COLQ: variants seen among roughly 807,000 people sequenced by gnomAD.
COLQ encodes acetylcholinesterase collagenic tail peptide.
COLQ carries 48 observed loss-of-function variants against 69.0 expected under a neutral mutation model. The observed-to-expected ratio is 0.70, with a 90% CI of 0.55 to 0.88. The LOEUF is 0.88. COLQ is among the 40% of genes least tolerant of loss of function. The pLI, the probability that COLQ is intolerant of heterozygous loss-of-function variation, is 0.00. For missense variants in COLQ, 618 were observed against 594.6 expected (o/e 1.04, Z -0.41); for synonymous variants, 217 against 211.2 (o/e 1.03, Z -0.24).
At chr3:15,497,638 T>C (rs1451885570) in intron 1 of COLQ, among the ~76,000 whole-genome samples, 1 of 152,224 alleles carries the variant, frequency 6.6e-6, no homozygotes, top group Non-Finnish European at 1.5e-5. Context: ...GGTGGACTAG[T>C]CAGCTTTTTA....
chr3:15,516,259 G>A (rs1326231434), intron 1 of COLQ, among the ~76,000 whole-genome samples: 2 of 152,196 alleles, frequency 1.3e-5, no homozygotes, highest in East Asian at 3.8e-4. Flanking sequence ...ACAAATAAAT[G>A]GTCCATAATC....
chr3:15,521,469 C>G (rs778924567), intron 1 of COLQ, 51 bp downstream of exon 1: 1 of 1,610,326 alleles, frequency 6.2e-7, no homozygotes, highest in Non-Finnish European at 8.5e-7. Context: ...CTTCCTTCCT[C>G]CCCCTGTCCC....
chr3:15,489,187 G>A (rs555608695), intron 2 of COLQ, among the ~76,000 whole-genome samples: 26 of 152,322 alleles, frequency 1.7e-4, no homozygotes, highest in Admixed American at 5.9e-4. Flanking sequence ...AAAAACAGAA[G>A]GGGAAATTCC....
chr3:15,480,746 G>A (rs2062468834), intron 3 of COLQ, among the ~76,000 whole-genome samples: 1 of 152,164 alleles, frequency 6.6e-6, no homozygotes, highest in South Asian at 2.1e-4. Context: ...AGATCCTTGA[G>A]GAATCACCAT....
At chr3:15,483,440 A>G (rs1353693973) in intron 3 of COLQ, among the ~76,000 whole-genome samples, 1 of 152,156 alleles carries the variant, frequency 6.6e-6, no homozygotes, top group East Asian at 1.9e-4. Flanking sequence ...TTCAAAGAAC[A>G]TTTTTATTTC....
At chr3:15,457,787 A>G (rs2062046710) in intron 13 of COLQ, among the ~76,000 whole-genome samples, 1 of 151,950 alleles carries the variant, frequency 6.6e-6, no homozygotes, top group Non-Finnish European at 1.5e-5. Context: ...TAATTTTTTA[A>G]ATATATTTTT....
intron 1 of COLQ, 118 bp downstream of exon 1, chr3:15,521,402 A>C: frequency 1.4e-6 from 2 of 1,389,704 alleles, no homozygotes; most frequent in Non-Finnish European, 2.0e-6. Context: ...TCTTCCTTCC[A>C]ACCTCCCTCC....
intron 1 of COLQ, among the ~76,000 whole-genome samples, chr3:15,515,416 T>C (rs1051033247): frequency 6.6e-6 from 1 of 152,000 alleles, no homozygotes; most frequent in South Asian, 2.1e-4. Flanking sequence ...GAAAGACAAC[T>C]GTAGTTGTGA....
At chr3:15,516,215 C>T (rs1442516502) in intron 1 of COLQ, among the ~76,000 whole-genome samples, 3 of 152,154 alleles carry the variant, frequency 2.0e-5, no homozygotes, top group South Asian at 2.1e-4. Flanking sequence ...AAGTGCATTA[C>T]GGAGCATTAA....
At chr3:15,498,548 T>G in intron 1 of COLQ, 1 of 1,551,438 alleles carries the variant, frequency 6.4e-7, no homozygotes, top group Non-Finnish European at 8.7e-7. Context: ...AGTCCTGAAA[T>G]GATGAGCAGA....
At chr3:15,452,403 T>C (rs1045160081) in intron 16 of COLQ, among the ~76,000 whole-genome samples, 2 of 152,172 alleles carry the variant, frequency 1.3e-5, no homozygotes, top group African/African-American at 4.8e-5. Flanking sequence ...ATAATGACTT[T>C]ACATTTGAAC....
chr3:15,478,845 C>T, intron 5 of COLQ, 132 bp downstream of exon 5: 1 of 1,070,962 alleles, frequency 9.3e-7, no homozygotes, highest in Non-Finnish European at 1.4e-6. Flanking sequence ...ATCGAGACAG[C>T]AGCACCATCA....
intron 1 of COLQ, among the ~76,000 whole-genome samples, chr3:15,503,578 C>T (rs1465979804): frequency 6.6e-6 from 1 of 152,120 alleles, no homozygotes; most frequent in Non-Finnish European, 1.5e-5. Context: ...ATAGCATTGC[C>T]CTAACCCAGT....
At chr3:15,471,827 C>T (rs964609014) in intron 10 of COLQ, among the ~76,000 whole-genome samples, 1 of 152,174 alleles carries the variant, frequency 6.6e-6, no homozygotes, top group Non-Finnish European at 1.5e-5. Flanking sequence ...ATACATCCTT[C>T]AACATTCTCT....
At chr3:15,479,431 T>C in intron 3 of COLQ, 49 bp from the exon 4 acceptor site, 3 of 1,576,328 alleles carry the variant, frequency 1.9e-6, no homozygotes, top group Non-Finnish European at 8.7e-7. Context: ...AGTCTGAAGC[T>C]GGATGGGTGT....
chr3:15,468,830 C>T (rs1301753243), intron 11 of COLQ, among the ~76,000 whole-genome samples: 8 of 152,170 alleles, frequency 5.3e-5, no homozygotes, highest in African/African-American at 1.9e-4. Flanking sequence ...CCCTGGCCCT[C>T]AGCTTCCTTG....
chr3:15,468,857 A>G (rs1234418245), intron 11 of COLQ, among the ~76,000 whole-genome samples: 1 of 152,150 alleles, frequency 6.6e-6, no homozygotes. Flanking sequence ...ACCTGAGGAG[A>G]CTGGATTAAG....
intron 10 of COLQ, among the ~76,000 whole-genome samples, chr3:15,472,911 G>C (rs1037734812): frequency 2.0e-5 from 3 of 151,550 alleles, no homozygotes; most frequent in African/African-American, 7.3e-5. Context: ...CCAGGCTGGA[G>C]AGCAGTGGCA....
At chr3:15,479,198 C>A (rs754326892) in intron 4 of COLQ, 140 bp downstream of exon 4, 31 of 1,126,132 alleles carry the variant, frequency 2.8e-5, no homozygotes, top group Non-Finnish European at 4.1e-5. Context: ...AGCAGCCCAG[C>A]CATCATGGAA....
Sources: gnomAD v4.1 joint callset for allele counts (sites outside exome capture counted in the v4.1 genomes callset) on GRCh38, gnomAD v4.1.1 for gene constraint, MANE v1.5 for transcripts, NCBI Gene and HGNC (gene_info 2026-07-23, HGNC 2026-07-21) for gene names.